The following ARHGAP24 variants were observed in gnomAD, a reference collection of about 807,000 sequenced individuals.
ARHGAP24 encodes rho GTPase-activating protein 24.
ARHGAP24 carries 50 observed loss-of-function variants against 76.4 expected under a neutral mutation model. The observed-to-expected ratio is 0.65, with a 90% CI of 0.52 to 0.83. The LOEUF (loss-of-function observed/expected upper bound fraction) is 0.83. Among genes scored for constraint, ARHGAP24 ranks in the 40% least tolerant of loss-of-function variants. The probability of loss-of-function intolerance (pLI) is 0.00; values close to 1 mark genes in which losing one functional copy is unlikely to be tolerated. For synonymous variants in ARHGAP24, 345 were observed against 323.3 expected, an observed-to-expected ratio of 1.07 and a Z score of -0.72; for missense variants, 930 against 914.2, an observed-to-expected ratio of 1.02 and a Z score of -0.22.
intron 2 of ARHGAP24, among the ~76,000 whole-genome samples, chr4:85,657,096 C>T (rs1417851537): frequency 1.3e-5 from 2 of 151,998 alleles, no homozygotes; most frequent in African/African-American, 4.8e-5. Flanking sequence ...ATTTTTGTCT[C>T]GTTTTTATTT....
intron 5 of ARHGAP24, among the ~76,000 whole-genome samples, chr4:85,967,957 A>G (rs1017118182): frequency 2.0e-5 from 3 of 152,190 alleles, no homozygotes; most frequent in African/African-American, 7.2e-5. Flanking sequence ...TACAGAAAAC[A>G]GAAGCGAGGT....
chr4:85,823,418 A>G lies in ARHGAP24; in HGVS notation c.269-100230A>G, dbSNP rs1278192458. 3.9e-5 allele frequency among the ~76,000 whole-genome samples: 6 copies of G among 152,184 alleles called. No individual in the cohort carries two copies. In the South Asian group the frequency reaches 8.3e-4, roughly 21 times the overall value. On this transcript the variant is annotated intron_variant, in intron 3 of 9. Coordinates refer to ENST00000395184, the MANE Select transcript of ARHGAP24 (RefSeq NM_001025616.3). The stretch of plus-strand genomic sequence containing the variant: ...CATATGAATATACTTTTAGTCATTT[A>G]AGAACTAGGGGCATTGACACTAATG...
chr4:85,662,257 C>A (rs1379908222), intron 2 of ARHGAP24, among the ~76,000 whole-genome samples: 1 of 152,148 alleles, frequency 6.6e-6, no homozygotes, highest in African/African-American at 2.4e-5. Flanking sequence ...TTGCATTTCT[C>A]TGATGGCCAG....
rs1413380616 is a variant in ARHGAP24 at position 86,000,975 on chromosome 4, G to C, written c.*253G>C. ...AGTTTTTCAAAAGTAAACTAAAAAT[G>C]AGAAGCATATTTCAAGAATTATTTT... is the stretch of plus-strand genomic sequence containing the variant. On this transcript the variant is annotated 3_prime_UTR_variant, in exon 10 of 10. Coordinates refer to ENST00000395184, the MANE Select transcript of ARHGAP24 (RefSeq NM_001025616.3). 1.9e-6 allele frequency: 1 copy of C among 518,032 alleles called. No individual in the cohort carries two copies. Among genetic ancestry groups the C allele is most frequent in the East Asian group, 3.2e-5 (1 of 31,630 alleles). 32.1% of individuals were successfully genotyped at this position (518,032 alleles called of 1,614,324 possible).
intron 3 of ARHGAP24, among the ~76,000 whole-genome samples, chr4:85,896,751 C>T (rs975285002): frequency 1.3e-5 from 2 of 152,092 alleles, no homozygotes; most frequent in Non-Finnish European, 2.9e-5. Context: ...GTCATTCTTT[C>T]TGTTTGGGGA....
chr4:85,619,198 C>CA (rs994840104), intron 2 of ARHGAP24, among the ~76,000 whole-genome samples: 17 of 151,932 alleles, frequency 1.1e-4, no homozygotes, highest in South Asian at 2.1e-4. Flanking sequence ...TTTGCTTTTC[C>CA]AAAAAACATT....
chr4:85,894,099 TAAAAAA>T (rs11394803), intron 3 of ARHGAP24, among the ~76,000 whole-genome samples: 15 of 131,352 alleles, frequency 1.1e-4, no homozygotes, highest in Non-Finnish European at 1.7e-4. Context: ...TAGAGTATAA[TAAAAAA>T]AAAAAAAAAA....
rs117969847 is a variant in ARHGAP24 at position 85,586,126 on chromosome 4, T to C, written c.180+15405T>C. The stretch of plus-strand genomic sequence containing the variant: ...CTCTTGTTATCGCTCTTTCTTTTTT[T>C]CCCCCCTCTCTTTCTTGTTCTTGCT... On this transcript the variant is annotated intron_variant, in intron 2 of 9. Coordinates refer to ENST00000395184, the MANE Select transcript of ARHGAP24 (RefSeq NM_001025616.3). 5.6e-3 allele frequency among the ~76,000 whole-genome samples: 851 copies of C among 152,298 alleles called. 22 individuals are homozygous for C. Among genetic ancestry groups the C allele is most frequent in the East Asian group, 0.049 (254 of 5,184 alleles).
intron 4 of ARHGAP24, among the ~76,000 whole-genome samples, chr4:85,932,108 T>C (rs911992669): frequency 6.6e-6 from 1 of 152,168 alleles, no homozygotes; most frequent in African/African-American, 2.4e-5. Context: ...ACAATCACCA[T>C]CATATATTAT....
chr4:85,555,805 G>A (rs1384830992), intron 1 of ARHGAP24, among the ~76,000 whole-genome samples: 1 of 152,208 alleles, frequency 6.6e-6, no homozygotes, highest in African/African-American at 2.4e-5. Context: ...GGGGTGGGGT[G>A]GCTGCATTGT....
At chr4:85,658,867 A>G (rs565658529) in intron 2 of ARHGAP24, among the ~76,000 whole-genome samples, 39 of 152,336 alleles carry the variant, frequency 2.6e-4, no homozygotes, top group African/African-American at 8.9e-4. Context: ...ATTTGAATCA[A>G]GCAGCTTGGG....
chr4:85,844,585 C>G (rs75124248), intron 3 of ARHGAP24, among the ~76,000 whole-genome samples: 1,884 of 152,146 alleles, frequency 0.012, 45 homozygotes, highest in African/African-American at 0.043. Context: ...AAAAAATGAT[C>G]GAGATTTGTA....
intron 3 of ARHGAP24, among the ~76,000 whole-genome samples, chr4:85,751,237 T>C (rs961091986): frequency 4.6e-5 from 7 of 152,244 alleles, no homozygotes; most frequent in Non-Finnish European, 8.8e-5. Flanking sequence ...CAAATATAAA[T>C]TTACTTATTC....
intron 3 of ARHGAP24, among the ~76,000 whole-genome samples, chr4:85,810,646 C>T (rs1728972375): frequency 6.6e-6 from 1 of 152,144 alleles, no homozygotes; most frequent in Non-Finnish European, 1.5e-5. Context: ...AGTGGTACTG[C>T]ACTCTTCACA....
chr4:85,665,121 G>T (rs958868578), intron 2 of ARHGAP24, among the ~76,000 whole-genome samples: 2 of 152,086 alleles, frequency 1.3e-5, no homozygotes, highest in Non-Finnish European at 2.9e-5. Flanking sequence ...GGGTGTTAAA[G>T]TCTCCCATTA....
At chr4:85,956,372 A>T (rs1446070537) in intron 5 of ARHGAP24, among the ~76,000 whole-genome samples, 1 of 152,162 alleles carries the variant, frequency 6.6e-6, no homozygotes, top group Non-Finnish European at 1.5e-5. Flanking sequence ...GTCTTTAAGT[A>T]TTTCTCAAAC....
At chr4:85,859,044 A>C (rs1469771256) in intron 3 of ARHGAP24, among the ~76,000 whole-genome samples, 1 of 152,150 alleles carries the variant, frequency 6.6e-6, no homozygotes, top group African/African-American at 2.4e-5. Flanking sequence ...GTCTTAGGCA[A>C]AGGCCTTTCT....
intron 2 of ARHGAP24, among the ~76,000 whole-genome samples, chr4:85,694,184 G>C (rs866166558): frequency 6.6e-6 from 1 of 151,864 alleles, no homozygotes; most frequent in African/African-American, 2.4e-5. Context: ...GGTCTTTCTT[G>C]GTGGGAGCAG....
At chr4:85,995,925 C>T (rs866685192) in intron 9 of ARHGAP24, among the ~76,000 whole-genome samples, 9 of 152,058 alleles carry the variant, frequency 5.9e-5, no homozygotes, top group Non-Finnish European at 1.0e-4. Context: ...AGAATAGGCT[C>T]AATAATGTCA....
Sources: allele counts gnomAD v4.1 joint callset (sites outside exome capture counted in the v4.1 genomes callset), GRCh38; gene constraint gnomAD v4.1.1; transcripts MANE v1.5; gene names NCBI Gene and HGNC (gene_info 2026-07-23, HGNC 2026-07-21).